The following NRDC variants were observed in gnomAD, a reference collection of about 807,000 sequenced individuals.
NRDC encodes nardilysin convertase, also known as nardilysin.
In NRDC, 54 loss-of-function variants were observed where a neutral mutation model predicts 147.1. The ratio of observed to expected loss-of-function variants is 0.37; its 90% CI spans 0.29 to 0.46. The LOEUF is 0.46. Ranked by LOEUF, NRDC falls within the 20% of genes least tolerant of loss-of-function variation. The pLI is 1.00. For synonymous variants in NRDC, 440 were observed against 482.1 expected (o/e 0.91, Z 1.14); for missense variants, 1,082 against 1,370.6 (o/e 0.79, Z 3.33).
intron 1 of NRDC, among the ~76,000 whole-genome samples, chr1:51,848,336 A>C (rs1038880500): frequency 1.8e-4 from 28 of 151,998 alleles, no homozygotes; most frequent in African/African-American, 5.8e-4. Context: ...AGAAAATTAG[A>C]CAGGCGTGGT....
chr1:51,848,484 AAATAAT>A (rs764980061), intron 1 of NRDC, among the ~76,000 whole-genome samples: 6 of 152,044 alleles, frequency 3.9e-5, no homozygotes, highest in East Asian at 1.9e-4. Context: ...CCGTCTCAAA[AAATAAT>A]AATAATAATA....
chr1:51,811,442 G>A lies in NRDC; in HGVS notation c.1779+552C>T, dbSNP rs1478452535. On this transcript the variant is annotated intron_variant, in intron 15 of 30. Coordinates refer to ENST00000352171, the MANE Select transcript of NRDC (RefSeq NM_001101662.2). ...CTCCGGACAGTGATAAATATCCCCT[G>A]GAAGGCAAAAGTCACCTCTGGTTGA... 2.0e-5 allele frequency among the ~76,000 whole-genome samples: 3 copies of A among 152,074 alleles called. No individual in the cohort carries two copies. The East Asian group carries it at 5.8e-4, about 29-fold the overall frequency.
At chr1:51,791,099 T>A in intron 27 of NRDC, 109 bp from the exon 28 acceptor site, 1 of 739,116 alleles carries the variant, frequency 1.4e-6, no homozygotes, top group Admixed American at 2.7e-5. Context: ...CTAAGACATA[T>A]ATCCAGGAAA....
chr1:51,789,339 A>G lies in NRDC; in HGVS notation c.3353T>C (p.Leu1118Pro). ...ATCTGCCAGCAGAGGAGAGGTTGGC[A>G]GGTAGGTCAGCTGCATCACTTCACA... ...SSCEVMQLTY[L>P]PTSPLLADCI... Residue 1118 changes from leucine to proline, a missense_variant, in exon 31 of 31, where the codon CTG (leucine) becomes CCG (proline). Transcript: ENST00000352171. 6.2e-7 allele frequency: 1 copy of G among 1,614,184 alleles called. No homozygotes were observed. Among genetic ancestry groups the G allele is most frequent in the Non-Finnish European group, 8.5e-7 (1 of 1,179,994 alleles).
At chr1:51,849,456 T>C (rs1300693342) in intron 1 of NRDC, among the ~76,000 whole-genome samples, 3 of 151,932 alleles carry the variant, frequency 2.0e-5, no homozygotes, top group Admixed American at 6.6e-5. Context: ...CAAGATTTTT[T>C]TGTGGAACTT....
chr1:51,791,687 T>C (rs1557894885), intron 26 of NRDC, 26 bp from the exon 27 acceptor site: 1 of 1,553,600 alleles, frequency 6.4e-7, no homozygotes, highest in Admixed American at 1.7e-5. Flanking sequence ...AAAAGTTATA[T>C]GAGCTCAGGT....
In NRDC at chr1:51,789,220, C is replaced by T. The variant is rs566757707; in HGVS notation, c.*16G>A. 1.8e-5 allele frequency: 29 copies of T among 1,609,274 alleles called. No homozygotes were observed. In the South Asian group the frequency reaches 2.0e-4, roughly 11 times the overall value. ...TAAAATACACATTGCTTCAGGCCAA[C>T]GTGACTGCAGTTTATTTATTTGACT... On this transcript the variant is annotated 3_prime_UTR_variant, in exon 31 of 31. Coordinates refer to ENST00000352171, the MANE Select transcript of NRDC (RefSeq NM_001101662.2).
At chr1:51,809,292 A>G in intron 17 of NRDC, 23 bp downstream of exon 17, 1 of 1,530,510 alleles carries the variant, frequency 6.5e-7, no homozygotes, top group East Asian at 2.2e-5. Flanking sequence ...TGGATTATGT[A>G]TAAAAATTGC....
intron 23 of NRDC, 79 bp downstream of exon 23, chr1:51,794,744 A>G: frequency 6.3e-7 from 1 of 1,588,134 alleles, no homozygotes; most frequent in Non-Finnish European, 8.6e-7. Flanking sequence ...GGTGTTTAGT[A>G]ACAATTAACT....
At chr1:51,861,044 T>C (rs2124074977) in intron 1 of NRDC, among the ~76,000 whole-genome samples, 1 of 150,510 alleles carries the variant, frequency 6.6e-6, no homozygotes, top group Non-Finnish European at 1.5e-5. Flanking sequence ...CCGCCTCCCA[T>C]GGTGAAGTGA....
intron 1 of NRDC, among the ~76,000 whole-genome samples, chr1:51,876,875 A>T (rs1202658593): frequency 1.3e-5 from 2 of 152,258 alleles, no homozygotes; most frequent in Non-Finnish European, 2.9e-5. Context: ...TTCAATTCAC[A>T]TAAGCAAGAA....
chr1:51,877,972 G>A (rs1683416789), intron 1 of NRDC: 1 of 1,206,310 alleles, frequency 8.3e-7, no homozygotes, highest in African/African-American at 1.5e-5. Flanking sequence ...ATAATACCAA[G>A]ACTCCCTCAC....
At chr1:51,803,139 G>A (rs1679285670) in intron 20 of NRDC, among the ~76,000 whole-genome samples, 1 of 152,124 alleles carries the variant, frequency 6.6e-6, no homozygotes, top group East Asian at 1.9e-4. Context: ...AAGGGCACAA[G>A]CATTTGAGTT....
intron 24 of NRDC, among the ~76,000 whole-genome samples, chr1:51,793,344 C>G (rs1678740384): frequency 1.3e-5 from 2 of 152,268 alleles, no homozygotes; most frequent in Middle Eastern, 3.4e-3. Context: ...TTAAGAAAGG[C>G]TAGGCTGTAC....
At chr1:51,816,941 T>C (rs1679996307) in intron 10 of NRDC, among the ~76,000 whole-genome samples, 1 of 152,202 alleles carries the variant, frequency 6.6e-6, no homozygotes, top group Non-Finnish European at 1.5e-5. Context: ...GAAAATGCAA[T>C]AACAAGTATA....
rs1434020245 is a variant in NRDC, at chr1:51,793,698, T to C, written c.2775+774A>G. ...CCCACCCAAAGCCCAGTCAGGGATCTTCACAAGACCTGACAAAGAAGTGAA... is the reference window on the plus strand; with the variant it reads ...CCCACCCAAAGCCCAGTCAGGGATCCTCACAAGACCTGACAAAGAAGTGAA... On this transcript the variant is annotated intron_variant, in intron 24 of 30. Coordinates refer to ENST00000352171, the MANE Select transcript of NRDC (RefSeq NM_001101662.2). 2.0e-5 allele frequency among the ~76,000 whole-genome samples: 3 copies of C among 152,316 alleles called. No homozygotes were observed. In the East Asian group the frequency reaches 5.8e-4, roughly 29 times the overall value.
chr1:51,818,115 G>T lies in NRDC; in HGVS notation c.1312C>A (p.His438Asn), dbSNP rs777270113. The change falls in exon 10 of 31, where the codon CAT becomes AAT. Residue 438 changes from histidine (H) to asparagine (N), a missense_variant. His to Asn is a moderately conservative substitution (Grantham distance 68). This residue lies in a region of NRDC where 635 missense variants were observed against 923.8 expected (regional missense o/e 0.69). Transcript: ENST00000352171. ...LYRVVPIRKI[H>N]ALTITWALPP... ...AGTGCCCATGTGATGGTCAGAGCAT[G>T]AATTTTTCTGATTGGAACAACTAAA... 3.7e-6 allele frequency: 6 copies of T among 1,604,194 alleles called. No individual in the cohort carries two copies. The highest frequency in any genetic ancestry group is 3.5e-4 in the Middle Eastern group (2 of 5,724).
chr1:51,814,746 C>T lies in NRDC; in HGVS notation c.1507G>A (p.Val503Met). ...GTCAATGTAATAGAAATGCTGAACA[C>T]TGAATAAGTAGAATTTTGCTCAAAT... Reference protein sequence around the residue: ...TGFEQNSTYSVFSISITLTDE... With the variant: ...TGFEQNSTYSMFSISITLTDE... The change falls in exon 12 of 31, where the codon GTG (valine) becomes ATG (methionine). Residue 503 changes from valine (V) to methionine (M), a missense_variant. By Grantham distance (21) the Val-to-Met change is conservative. Transcript: ENST00000352171. The T allele has an allele frequency of 1.9e-6, 3 of 1,612,072 alleles. No homozygotes were observed. In the East Asian group the frequency reaches 6.7e-5, roughly 36 times the overall value.
chr1:51,845,764 T>A (rs1193668497), intron 1 of NRDC, among the ~76,000 whole-genome samples: 2 of 152,214 alleles, frequency 1.3e-5, no homozygotes, highest in East Asian at 3.9e-4. Context: ...CATTAGAATG[T>A]TATCTCTGAG....
Sources: gnomAD v4.1 joint callset for allele counts (sites outside exome capture counted in the v4.1 genomes callset) on GRCh38, gnomAD v4.1.1 for gene constraint, gnomAD v4.1.1 regional missense constraint, MANE v1.5 for transcripts, NCBI Gene and HGNC (gene_info 2026-07-23, HGNC 2026-07-21) for gene names.